The following SPAG17 variants were observed in gnomAD, a reference collection of about 807,000 sequenced individuals.
SPAG17 encodes the protein sperm associated antigen 17.
SPAG17 carries 169 observed loss-of-function variants against 273.6 expected under a neutral mutation model. The ratio of observed to expected loss-of-function variants is 0.62; its 90% confidence interval spans 0.55 to 0.70. The LOEUF (loss-of-function observed/expected upper bound fraction) is 0.70, where lower values mean the gene tolerates loss of function less well. SPAG17 is among the 30% of genes least tolerant of loss of function. The probability of loss-of-function intolerance (pLI) is 0.00; values close to 1 mark genes in which losing one functional copy is unlikely to be tolerated. For missense variants in SPAG17, 2,557 were observed against 2,627.8 expected, an observed-to-expected ratio of 0.97 and a Z score of 0.59; for synonymous variants, 825 against 873.2, an observed-to-expected ratio of 0.94 and a Z score of 0.97.
chr1:118,002,824 C>T (rs149401973), intron 32 of SPAG17, among the ~76,000 whole-genome samples: 9,975 of 152,260 alleles, frequency 0.066, 529 homozygotes, highest in East Asian at 0.31. Flanking sequence ...AGCCCATTTA[C>T]ATTTAAGGTT....
chr1:118,012,439 TC>T (rs1659577360), intron 29 of SPAG17, 67 bp from the exon 30 acceptor site: 1 of 1,534,002 alleles, frequency 6.5e-7, no homozygotes, highest in Admixed American at 2.0e-5. Flanking sequence ...CTTATTTTTA[TC>T]CATTGAATAC....
intron 24 of SPAG17, among the ~76,000 whole-genome samples, chr1:118,034,883 A>G (rs1266582599): frequency 6.6e-6 from 1 of 152,332 alleles, no homozygotes; most frequent in African/African-American, 2.4e-5. Flanking sequence ...GTAAGAAGCA[A>G]GAATGACCTA....
In SPAG17 at chr1:117,996,462, AG is replaced by A. The variant is rs897946456; in HGVS notation, c.4960del (p.Leu1654PhefsTer7). Reference sequence around the variant, plus strand: ...TTCTTCTATGTCACTGTCTCGAAGAAGTTCCATTCCTGATCCATCAGCATAC... The same window carrying A: ...TTCTTCTATGTCACTGTCTCGAAGAATTCCATTCCTGATCCATCAGCATAC... Reference protein sequence around the residue: ...VMYADGSGMELLRDSDIEEYL... With the variant: ...VMYADGSGMEXLRDSDIEEYL... On this transcript the variant is annotated frameshift_variant, in exon 34 of 49. Transcript: ENST00000336338. LOFTEE classifies it high-confidence loss of function. The A allele has an allele frequency of 1.2e-6, 2 of 1,613,050 alleles. No individual in the cohort carries two copies. Among genetic ancestry groups the A allele is most frequent in the African/African-American group, 2.7e-5 (2 of 74,880 alleles).
At chr1:118,121,019 G>C (rs1657390667) in intron 3 of SPAG17, among the ~76,000 whole-genome samples, 1 of 152,152 alleles carries the variant, frequency 6.6e-6, no homozygotes, top group Non-Finnish European at 1.5e-5. Context: ...AATTTGAAAT[G>C]CCTGTCTGGC....
At chr1:117,985,737 T>G (rs1389143107) in intron 40 of SPAG17, among the ~76,000 whole-genome samples, 1 of 152,228 alleles carries the variant, frequency 6.6e-6, no homozygotes, top group Non-Finnish European at 1.5e-5. Flanking sequence ...ACTTAAGTTT[T>G]GCAAAATATT....
chr1:118,033,245 T>C (rs956175637), intron 24 of SPAG17, among the ~76,000 whole-genome samples: 5 of 152,306 alleles, frequency 3.3e-5, no homozygotes, highest in Admixed American at 6.5e-5. Context: ...AGGCATCTCC[T>C]GGTTGTGGTG....
intron 25 of SPAG17, among the ~76,000 whole-genome samples, chr1:118,029,814 C>T (rs1397573941): frequency 1.3e-5 from 2 of 152,046 alleles, no homozygotes; most frequent in African/African-American, 2.4e-5. Flanking sequence ...TCTAACTAGT[C>T]GTCTATTGTT....
intron 30 of SPAG17, among the ~76,000 whole-genome samples, chr1:118,011,757 C>G (rs1181772913): frequency 1.3e-5 from 2 of 151,766 alleles, no homozygotes; most frequent in African/African-American, 4.8e-5. Context: ...CACACACACA[C>G]AGACACACAC....
intron 7 of SPAG17, among the ~76,000 whole-genome samples, chr1:118,094,086 T>C (rs1655559699): frequency 6.6e-6 from 1 of 152,194 alleles, no homozygotes; most frequent in Admixed American, 6.5e-5. Context: ...AGATGGTTCC[T>C]TGTATGCAGA....
At chr1:118,157,465 C>A (rs1268936094) in intron 1 of SPAG17, among the ~76,000 whole-genome samples, 1 of 152,124 alleles carries the variant, frequency 6.6e-6, no homozygotes, top group Non-Finnish European at 1.5e-5. Context: ...GTATAGAGAC[C>A]ACTGACAGGA....
At chr1:118,148,376 A>G (rs994727240) in intron 3 of SPAG17, among the ~76,000 whole-genome samples, 1 of 152,104 alleles carries the variant, frequency 6.6e-6, no homozygotes, top group East Asian at 1.9e-4. Context: ...AATCCTCCAC[A>G]CTCGGCAAGG....
intron 38 of SPAG17, among the ~76,000 whole-genome samples, chr1:117,990,059 T>C (rs1296845933): frequency 6.6e-6 from 1 of 151,950 alleles, no homozygotes; most frequent in Admixed American, 6.6e-5. Context: ...GACCACAGAG[T>C]ATAGGGACAC....
At chr1:118,000,044 C>T (rs1352038209) in intron 32 of SPAG17, among the ~76,000 whole-genome samples, 1 of 152,190 alleles carries the variant, frequency 6.6e-6, no homozygotes, top group Non-Finnish European at 1.5e-5. Context: ...CTACATATGG[C>T]TAGCCAGTTT....
At chr1:118,079,569 C>T (rs1654369995) in intron 15 of SPAG17, among the ~76,000 whole-genome samples, 1 of 151,900 alleles carries the variant, frequency 6.6e-6, no homozygotes, top group Non-Finnish European at 1.5e-5. Context: ...TCTATGTTTT[C>T]TATTTCATTG....
intron 31 of SPAG17, among the ~76,000 whole-genome samples, chr1:118,007,040 T>A (rs2101747084): frequency 6.6e-6 from 1 of 152,348 alleles, no homozygotes; most frequent in African/African-American, 2.4e-5. Context: ...TCAAATAACA[T>A]CTTCTATTCT....
At chr1:118,123,012 G>C (rs1657508382) in intron 3 of SPAG17, among the ~76,000 whole-genome samples, 1 of 152,314 alleles carries the variant, frequency 6.6e-6, no homozygotes, top group East Asian at 1.9e-4. Flanking sequence ...TATCTTTAGA[G>C]AGAAGCAGAG....
intron 1 of SPAG17, among the ~76,000 whole-genome samples, chr1:118,180,389 A>T (rs1243879863): frequency 6.6e-6 from 1 of 152,098 alleles, no homozygotes; most frequent in Admixed American, 6.5e-5. Context: ...GAAATAAAAA[A>T]GTAGATCTCA....
intron 28 of SPAG17, among the ~76,000 whole-genome samples, chr1:118,017,600 AG>A (rs1336158114): frequency 6.6e-6 from 1 of 152,214 alleles, no homozygotes; most frequent in Non-Finnish European, 1.5e-5. Flanking sequence ...TTGGAAGATT[AG>A]TTACATGCTT....
chr1:118,087,207 T>A, intron 10 of SPAG17, 199 bp from the exon 11 acceptor site: 1 of 405,614 alleles, frequency 2.5e-6, no homozygotes, highest in Non-Finnish European at 4.3e-6. Flanking sequence ...TGCATTAAGG[T>A]AGATATAAAT....
Sources: allele counts gnomAD v4.1 joint callset (sites outside exome capture counted in the v4.1 genomes callset), GRCh38; gene constraint gnomAD v4.1.1; transcripts MANE v1.5; gene names NCBI Gene and HGNC (gene_info 2026-07-23, HGNC 2026-07-21).